WSCD2: variants seen among roughly 807,000 people sequenced by gnomAD.
The protein encoded by WSCD2 is WSC domain sialate O sulfotransferase 2.
In WSCD2, 28 loss-of-function variants were observed where a neutral mutation model predicts 55.7. The ratio of observed to expected loss-of-function variants is 0.50; its 90% CI spans 0.37 to 0.69. WSCD2 has a LOEUF of 0.69. Among genes scored for constraint, WSCD2 ranks in the 30% least tolerant of loss-of-function variants. The pLI, the probability that WSCD2 is intolerant of heterozygous loss-of-function variation, is 0.00. For missense variants in WSCD2, 616 were observed against 762.1 expected, an observed-to-expected ratio of 0.81 and a Z score of 2.26; for synonymous variants, 301 against 301.9, an observed-to-expected ratio of 1.00 and a Z score of 0.03.
intron 1 of WSCD2, among the ~76,000 whole-genome samples, chr12:108,150,234 T>A (rs1048202244): frequency 1.1e-4 from 16 of 152,186 alleles, no homozygotes; most frequent in Non-Finnish European, 2.1e-4. Context: ...AACCTGCCTT[T>A]GACTGATGCC....
chr12:108,242,539 G>A (rs1176605592), intron 8 of WSCD2, among the ~76,000 whole-genome samples: 1 of 152,170 alleles, frequency 6.6e-6, no homozygotes, highest in Non-Finnish European at 1.5e-5. Flanking sequence ...GGTCCCTAGA[G>A]GAGAGTGGGA....
intron 8 of WSCD2, among the ~76,000 whole-genome samples, chr12:108,242,072 C>G (rs1162759469): frequency 3.9e-5 from 6 of 152,170 alleles, no homozygotes; most frequent in Non-Finnish European, 8.8e-5. Context: ...TGTGAGTTGT[C>G]CCCAGCTCAT....
intron 1 of WSCD2, chr12:108,171,595 C>A (rs1880257198): frequency 6.6e-6 from 1 of 152,090 alleles, no homozygotes; most frequent in Non-Finnish European, 1.5e-5. Context: ...TTCACTTGTT[C>A]CTTCTTCATT....
At chr12:108,232,984 G>GT in intron 7 of WSCD2, 89 bp downstream of exon 7, 1 of 1,520,406 alleles carries the variant, frequency 6.6e-7, no homozygotes, top group South Asian at 1.3e-5. Flanking sequence ...TCCTCCTTGA[G>GT]TATCTACTGT....
At chr12:108,192,899 T>G (rs1242072115) in intron 1 of WSCD2, among the ~76,000 whole-genome samples, 1 of 152,100 alleles carries the variant, frequency 6.6e-6, no homozygotes, top group Non-Finnish European at 1.5e-5. Flanking sequence ...ACCCTGATAT[T>G]TTAAGCCAAA....
In WSCD2 at chr12:108,248,020, C is replaced by G. The variant is rs1407176052; in HGVS notation, c.1375C>G (p.Pro459Ala). The change falls in exon 9 of 9, where the codon CCG becomes GCG. Residue 459 changes from proline to alanine, a missense_variant. By Grantham distance (27) the Pro-to-Ala change is conservative. Coordinates refer to ENST00000547525, the MANE Select transcript of WSCD2 (RefSeq NM_014653.4). The surrounding 1 kb of genome is among the most constrained non-coding windows in gnomAD (Gnocchi z 4.3). ...EWPEFVRNYAPWWATHTLDWL... is the reference protein window; with the variant it reads ...EWPEFVRNYAAWWATHTLDWL... ...GCCAGAGTTCGTGAGGAACTATGCC[C>G]CGTGGTGGGCCACTCACACACTGGA... The G allele has an allele frequency of 2.5e-6, 4 of 1,613,892 alleles. No individual in the cohort carries two copies. Among genetic ancestry groups the G allele is most frequent in the Non-Finnish European group, 2.5e-6 (3 of 1,179,904 alleles).
chr12:108,159,836 G>T lies in WSCD2; in HGVS notation c.-552+29910G>T, dbSNP rs193058727. On this transcript the variant is annotated intron_variant, in intron 1 of 8. Coordinates refer to ENST00000547525, the MANE Select transcript of WSCD2 (RefSeq NM_014653.4). ...CTTGCCATCATTTGTTTTTCTCAGCGTTGGCTTTTCTCCTATACAATCTGC... is the reference window on the plus strand; with the variant it reads ...CTTGCCATCATTTGTTTTTCTCAGCTTTGGCTTTTCTCCTATACAATCTGC... 1.6e-4 allele frequency among the ~76,000 whole-genome samples: 25 copies of T among 152,288 alleles called. No individual in the cohort carries two copies. In the East Asian group the frequency reaches 4.2e-3, roughly 26 times the overall value.
chr12:108,244,673 G>A (rs1028329836), intron 8 of WSCD2: 4 of 692,046 alleles, frequency 5.8e-6, no homozygotes, highest in African/African-American at 1.8e-5. Context: ...CATGTGGGGA[G>A]GAGCTGGGTC....
intron 1 of WSCD2, among the ~76,000 whole-genome samples, chr12:108,182,297 A>T (rs1030767099): frequency 6.6e-6 from 1 of 152,132 alleles, no homozygotes; most frequent in African/African-American, 2.4e-5. Context: ...TATATAATTC[A>T]TGGGTGCATC....
chr12:108,177,801 G>A (rs1416435005), intron 1 of WSCD2, among the ~76,000 whole-genome samples: 1 of 152,082 alleles, frequency 6.6e-6, no homozygotes, highest in Non-Finnish European at 1.5e-5. Context: ...CTAACCTATG[G>A]TGATAGAAGT....
Position 108,248,713 on chromosome 12 carries a change from G to C in WSCD2, c.*370G>C. On this transcript the variant is annotated 3_prime_UTR_variant, in exon 9 of 9. Transcript: ENST00000547525. The surrounding 1 kb of genome is among the most constrained non-coding windows in gnomAD (Gnocchi z 4.3). ...TGGATGCCCCATGGCAATTGTCAAG[G>C]CTCTTGATGCAAGAGCCCAGGGGGC... 10 of 1,024,074 alleles carry C rather than the reference G, an allele frequency of 9.8e-6. No individual in the cohort carries two copies. The highest frequency in any genetic ancestry group is 1.2e-5 in the Non-Finnish European group (10 of 852,462). 63.4% of individuals were successfully genotyped at this position (1,024,074 alleles called of 1,614,324 possible).
At chr12:108,193,596 A>AATGGATGG (rs150789288) in intron 1 of WSCD2, among the ~76,000 whole-genome samples, 2,731 of 150,708 alleles carry the variant, frequency 0.018, 76 homozygotes, top group African/African-American at 0.061. Flanking sequence ...CCGGAAGGCA[A>AATGGATGG]ATGGATGGAT....
intron 1 of WSCD2, among the ~76,000 whole-genome samples, chr12:108,137,725 G>A (rs1382186941): frequency 6.6e-6 from 1 of 152,216 alleles, no homozygotes; most frequent in Non-Finnish European, 1.5e-5. Context: ...ATAGGCAGGA[G>A]CAAGGGCAAG....
chr12:108,158,503 C>T (rs772224181), intron 1 of WSCD2, among the ~76,000 whole-genome samples: 27 of 152,026 alleles, frequency 1.8e-4, no homozygotes, highest in Middle Eastern at 3.4e-3. Flanking sequence ...GCTACTGGGC[C>T]GGGTGGGGAG....
intron 7 of WSCD2, among the ~76,000 whole-genome samples, chr12:108,236,489 T>C (rs1191256581): frequency 2.0e-5 from 3 of 152,138 alleles, no homozygotes; most frequent in Non-Finnish European, 4.4e-5. Flanking sequence ...TTTCTTCCCT[T>C]TCCCTCACTG....
chr12:108,226,823 A>G (rs1278217166), intron 5 of WSCD2, among the ~76,000 whole-genome samples, 167 bp from the exon 6 acceptor site: 5 of 152,268 alleles, frequency 3.3e-5, no homozygotes, highest in Non-Finnish European at 2.9e-5. Flanking sequence ...CAGGTAGGGC[A>G]AAATCACAAA....
intron 2 of WSCD2, among the ~76,000 whole-genome samples, chr12:108,203,173 G>C (rs1884924872): frequency 6.6e-6 from 1 of 152,216 alleles, no homozygotes. Flanking sequence ...CTGGTGCCAA[G>C]GGACAAAAAT....
chr12:108,248,108 T>C lies in WSCD2; in HGVS notation c.1463T>C (p.Phe488Ser). Reference sequence around the variant, plus strand: ...TTTGAGGACCTGAAGCAGGACCTCTTTGTCCAGCTGGGCCGGATGGTCAGC... The same window carrying C: ...TTTGAGGACCTGAAGCAGGACCTCTCTGTCCAGCTGGGCCGGATGGTCAGC... ...VHFEDLKQDL[F>S]VQLGRMVSLL... The change falls in exon 9 of 9, where the codon TTT becomes TCT. Residue 488 changes from phenylalanine to serine, a missense_variant. Phe to Ser is a radical substitution (Grantham distance 155, BLOSUM62 -2). Around this residue, in one of 3 missense-constraint regions of WSCD2, gnomAD observed 234 missense variants for 264.6 expected, o/e 0.88. Transcript: ENST00000547525. This position sits in a 1 kb window ranked among gnomAD's most constrained non-coding sequence, Gnocchi z 4.3. The C allele has an allele frequency of 1.3e-5, 21 of 1,614,214 alleles. No homozygotes were observed. The highest frequency in any genetic ancestry group is 1.6e-5 in the Non-Finnish European group (19 of 1,180,038).
chr12:108,215,194 T>C (rs1354775275), intron 4 of WSCD2, among the ~76,000 whole-genome samples: 3 of 152,152 alleles, frequency 2.0e-5, no homozygotes, highest in East Asian at 1.9e-4. Context: ...TGGGAGAGAA[T>C]TGGTTTGCTC....
Sources: gnomAD v4.1 joint callset for allele counts (sites outside exome capture counted in the v4.1 genomes callset) on GRCh38, gnomAD v4.1.1 for gene constraint, gnomAD v4.1.1 regional missense constraint, Gnocchi (gnomAD v3.1) non-coding constraint, MANE v1.5 for transcripts, NCBI Gene and HGNC (gene_info 2026-07-23, HGNC 2026-07-21) for gene names.